CDK19: variants seen among roughly 807,000 people sequenced by gnomAD.
CDK19 encodes cyclin-dependent kinase 19.
A neutral mutation model predicts 68.3 loss-of-function variants in CDK19; 20 were observed. The observed-to-expected ratio is 0.29, with a 90% CI of 0.21 to 0.43. The LOEUF is 0.43. Ranked by LOEUF, CDK19 falls within the 20% of genes least tolerant of loss-of-function variation. CDK19 has a pLI of 1.00. For missense variants in CDK19, 339 were observed against 623.5 expected, an observed-to-expected ratio of 0.54 and a Z score of 4.86; for synonymous variants, 221 against 222.8, an observed-to-expected ratio of 0.99 and a Z score of 0.07.
intron 1 of CDK19, among the ~76,000 whole-genome samples, chr6:110,774,319 G>A (rs1407244186): frequency 4.6e-5 from 7 of 152,124 alleles, no homozygotes; most frequent in African/African-American, 1.4e-4. Flanking sequence ...TGGGGAATAC[G>A]TTCCAAGACC....
chr6:110,762,458 T>C (rs1051410252), intron 1 of CDK19, among the ~76,000 whole-genome samples: 1 of 152,230 alleles, frequency 6.6e-6, no homozygotes, highest in African/African-American at 2.4e-5. Context: ...TTCCATAGTG[T>C]GTGACATAAA....
At chr6:110,667,317 G>T in intron 4 of CDK19, 117 bp downstream of exon 4, 1 of 636,896 alleles carries the variant, frequency 1.6e-6, no homozygotes. Context: ...TTTTGCTTAT[G>T]TATATTTTCA....
rs375974386 is a variant in CDK19 at position 110,621,233 on chromosome 6, G to C, written c.1248C>G (p.Val416=). The part of the protein sequence containing the change: ...NGTAGGAGAG[V]GGTGAGLQHS... ...GCTGCAACCCTGCTCCGGTGCCCCC[G>C]ACCCCGGCCCCAGCCCCACCTGCGG... Residue 416 remains valine (V), a synonymous_variant, in exon 12 of 13, where the codon GTC becomes GTG. Coordinates refer to ENST00000368911, the MANE Select transcript of CDK19 (RefSeq NM_015076.5). This position sits in a 1 kb window ranked among gnomAD's most constrained non-coding sequence, Gnocchi z 5.4. The C allele has an allele frequency of 1.2e-6, 2 of 1,613,020 alleles. No individual in the cohort carries two copies. Among genetic ancestry groups the C allele is most frequent in the Non-Finnish European group, 1.7e-6 (2 of 1,179,940 alleles).
intron 2 of CDK19, among the ~76,000 whole-genome samples, chr6:110,671,075 G>A (rs966585909): frequency 8.0e-5 from 12 of 150,852 alleles, no homozygotes; most frequent in African/African-American, 2.4e-4. Context: ...GTGGTTGAGG[G>A]TTTTTTTTTG....
intron 1 of CDK19, among the ~76,000 whole-genome samples, chr6:110,751,831 A>G (rs1778492117): frequency 1.3e-5 from 2 of 152,116 alleles, no homozygotes; most frequent in Non-Finnish European, 2.9e-5. Context: ...CATTCTTCAA[A>G]CTATGTGATG....
chr6:110,803,057 G>C (rs1782442352), intron 1 of CDK19, among the ~76,000 whole-genome samples: 2 of 152,074 alleles, frequency 1.3e-5, no homozygotes, highest in Non-Finnish European at 1.5e-5. Flanking sequence ...CTCCGGCACA[G>C]ACAGTAAGAA....
At chr6:110,708,404 G>A (rs960242703) in intron 2 of CDK19, among the ~76,000 whole-genome samples, 20 of 152,186 alleles carry the variant, frequency 1.3e-4, no homozygotes, top group Non-Finnish European at 2.5e-4. Context: ...GATGTGCACT[G>A]GAGAGCTGGT....
At chr6:110,682,383 T>C (rs1300053901) in intron 2 of CDK19, among the ~76,000 whole-genome samples, 1 of 152,204 alleles carries the variant, frequency 6.6e-6, no homozygotes, top group Non-Finnish European at 1.5e-5. Context: ...AATAGGAGAT[T>C]TGCCTAATTC....
At chr6:110,765,607 G>GGA (rs1562270187) in intron 1 of CDK19, among the ~76,000 whole-genome samples, 1 of 151,058 alleles carries the variant, frequency 6.6e-6, no homozygotes, top group African/African-American at 2.4e-5. Flanking sequence ...CTTGAACCCG[G>GGA]GAGGCGGAGG....
At chr6:110,734,520 G>GCTCGCTCGCTCGCTCTCT (rs991736850) in intron 2 of CDK19, among the ~76,000 whole-genome samples, 1 of 85,734 alleles carries the variant, frequency 1.2e-5, no homozygotes, top group Non-Finnish European at 2.3e-5. Flanking sequence ...GGTGAGCACT[G>GCTCGCTCGCTCGCTCTCT]CTCTCTCTCT....
At position 110,815,440 on chromosome 6, in the gene CDK19, G is replaced by T; in HGVS notation, c.-304C>A. 4.0e-6 allele frequency: 1 copy of T among 252,656 alleles called. No homozygotes were observed. Among genetic ancestry groups the T allele is most frequent in the Non-Finnish European group, 7.4e-6 (1 of 134,230 alleles). 15.7% of individuals were successfully genotyped at this position (252,656 alleles called of 1,614,324 possible). A position where few individuals can be genotyped will look rare whatever the true frequency, so the allele number is the denominator to read the frequency against. On this transcript the variant is annotated 5_prime_UTR_variant, in exon 1 of 13. Transcript: ENST00000368911. The stretch of plus-strand genomic sequence containing the variant: ...TTTGGAACCTGGTGGGCCGCGCCGT[G>T]GCTTCCTCGAGCTCATTAGCGAACT...
intron 2 of CDK19, among the ~76,000 whole-genome samples, chr6:110,723,613 C>T (rs9481101): frequency 0.014 from 2,069 of 152,196 alleles, 58 homozygotes; most frequent in African/African-American, 0.047. Flanking sequence ...AAATTACATA[C>T]GGATTTTCTC....
intron 2 of CDK19, among the ~76,000 whole-genome samples, chr6:110,709,556 T>C (rs1384253496): frequency 1.3e-5 from 2 of 150,502 alleles, no homozygotes; most frequent in Non-Finnish European, 3.0e-5. Context: ...CACAATGTAA[T>C]AAGCAAGAAA....
At chr6:110,721,976 G>A (rs1008807976) in intron 2 of CDK19, among the ~76,000 whole-genome samples, 4 of 151,978 alleles carry the variant, frequency 2.6e-5, no homozygotes, top group African/African-American at 7.2e-5. Flanking sequence ...AAAAAAAAGA[G>A]TAAGATCAAA....
chr6:110,644,701 T>C (rs1280192863), intron 4 of CDK19, among the ~76,000 whole-genome samples: 1 of 151,848 alleles, frequency 6.6e-6, no homozygotes, highest in Non-Finnish European at 1.5e-5. Flanking sequence ...CCCCCGACCA[T>C]GGAACAGAAA....
At position 110,746,218 on chromosome 6, in the gene CDK19, A is replaced by C. The variant is rs1778065463; in HGVS notation, c.129-17T>G. ...TCATCTTTTCTGCACATAAACAAAA[A>C]AACATCATTTTTCCATATATCACTT... On this transcript the variant is annotated splice_polypyrimidine_tract_variant and intron_variant, in intron 1 of 12. Coordinates refer to ENST00000368911, the MANE Select transcript of CDK19 (RefSeq NM_015076.5). 1 of 1,511,702 alleles carries C rather than the reference A, an allele frequency of 6.6e-7. No individual in the cohort carries two copies. The highest frequency in any genetic ancestry group is 9.1e-7 in the Non-Finnish European group (1 of 1,104,044). 93.6% of individuals were successfully genotyped at this position (1,511,702 alleles called of 1,614,324 possible).
At chr6:110,749,522 G>C (rs373205801) in intron 1 of CDK19, among the ~76,000 whole-genome samples, 1 of 151,896 alleles carries the variant, frequency 6.6e-6, no homozygotes, top group South Asian at 2.1e-4. Flanking sequence ...CACACACCCA[G>C]GTAATTTTTG....
At chr6:110,713,450 A>T (rs1395956910) in intron 2 of CDK19, among the ~76,000 whole-genome samples, 2 of 139,262 alleles carry the variant, frequency 1.4e-5, no homozygotes, top group African/African-American at 2.7e-5. Context: ...AAAAAAAAAA[A>T]TCCTGGGCTC....
chr6:110,634,095 CA>C (rs1454310353), intron 5 of CDK19, among the ~76,000 whole-genome samples: 1 of 152,134 alleles, frequency 6.6e-6, no homozygotes, highest in Non-Finnish European at 1.5e-5. Context: ...AACTTTCAAC[CA>C]CAGAATGTCA....
Sources: gnomAD v4.1 joint callset for allele counts (sites outside exome capture counted in the v4.1 genomes callset) on GRCh38, gnomAD v4.1.1 for gene constraint, Gnocchi (gnomAD v3.1) non-coding constraint, MANE v1.5 for transcripts, NCBI Gene and HGNC (gene_info 2026-07-23, HGNC 2026-07-21) for gene names.